Variants in COL21A1 observed in about 807,000 individuals in gnomAD.
COL21A1 encodes the protein collagen alpha-1(XXI) chain.
COL21A1 carries 149 observed loss-of-function variants against 137.9 expected under a neutral mutation model. The ratio of observed to expected loss-of-function variants is 1.08; its 90% confidence interval spans 0.95 to 1.24. The LOEUF is 1.24. Ranked by LOEUF, COL21A1 falls within the 50% of genes most tolerant of loss-of-function variation. The pLI is 0.00. For synonymous variants in COL21A1, 456 were observed against 391.5 expected (o/e 1.16, Z -1.95); for missense variants, 1,167 against 1,158.4 (o/e 1.01, Z -0.11).
chr6:56,148,601 T>C, intron 10 of COL21A1, among the ~76,000 whole-genome samples: 1 of 152,108 alleles, frequency 6.6e-6, no homozygotes. Flanking sequence ...TCCCAACAGC[T>C]CTTAAACTGT....
At chr6:56,317,923 A>ATTG (rs1400559552) in intron 1 of COL21A1, among the ~76,000 whole-genome samples, 1 of 152,132 alleles carries the variant, frequency 6.6e-6, no homozygotes, top group Non-Finnish European at 1.5e-5. Context: ...CGTGTTTTTA[A>ATTG]TTGTAGTTTT....
At chr6:56,155,031 T>C (rs1775635919) in intron 10 of COL21A1, among the ~76,000 whole-genome samples, 1 of 152,184 alleles carries the variant, frequency 6.6e-6, no homozygotes, top group Admixed American at 6.5e-5. Flanking sequence ...TTAAGCCTAG[T>C]ACCCATTAGT....
chr6:56,242,436 T>A (rs116387185), intron 1 of COL21A1, among the ~76,000 whole-genome samples: 107 of 152,268 alleles, frequency 7.0e-4, no homozygotes, highest in African/African-American at 2.4e-3. Context: ...TCCTTAGTCT[T>A]TTCTTCTCGA....
At position 56,064,563 on chromosome 6, in the gene COL21A1, A is replaced by G. The variant is rs1184652625; in HGVS notation, c.2172+15T>C. The G allele has an allele frequency of 6.3e-7, 1 of 1,581,908 alleles. No homozygotes were observed. The highest frequency in any genetic ancestry group is 8.6e-7 in the Non-Finnish European group (1 of 1,159,324). ...TTGTTATTTCATTTTTTATCAGAAG[A>G]AAACCAAAAAATACCTGTTGCCCTG... On this transcript the variant is annotated intron_variant, in intron 24 of 29. Coordinates refer to ENST00000244728, the MANE Select transcript of COL21A1 (RefSeq NM_030820.4).
chr6:56,262,137 A>G (rs1185332550), intron 1 of COL21A1, among the ~76,000 whole-genome samples: 1 of 152,126 alleles, frequency 6.6e-6, no homozygotes, highest in African/African-American at 2.4e-5. Flanking sequence ...GCTTTCAAAT[A>G]TGTTTCCTTT....
intron 1 of COL21A1, among the ~76,000 whole-genome samples, chr6:56,357,628 T>C (rs988156698): frequency 6.6e-6 from 1 of 152,244 alleles, no homozygotes; most frequent in Non-Finnish European, 1.5e-5. Context: ...GATCTGTTGA[T>C]GTTATTTTTG....
Position 56,179,613 on chromosome 6 carries a change from T to G in COL21A1, c.605A>C (p.Lys202Thr). ...FYVEDYIAIS[K>T]IREVMKQKLC... ...TTTCTGCTTCATCACTTCCCTTATT[T>G]TGGATATTGCAATATAGTCTTCCAC... The change falls in exon 3 of 30, where the codon AAA (lysine) becomes ACA (threonine). Residue 202 changes from lysine (K) to threonine (T), a missense_variant. Coordinates refer to ENST00000244728, the MANE Select transcript of COL21A1 (RefSeq NM_030820.4). 6.2e-7 allele frequency: 1 copy of G among 1,612,990 alleles called. No homozygotes were observed. Among genetic ancestry groups the G allele is most frequent in the Non-Finnish European group, 8.5e-7 (1 of 1,179,168 alleles).
At chr6:56,250,555 T>C (rs140837025), upstream of COL21A1, among the ~76,000 whole-genome samples, 1 of 152,298 alleles carries the variant, frequency 6.6e-6, no homozygotes, top group Non-Finnish European at 1.5e-5. Context: ...CAACAACCAG[T>C]GAGCCTAGAA....
At chr6:56,200,931 G>A (rs1321701173) in intron 1 of COL21A1, among the ~76,000 whole-genome samples, 1 of 152,120 alleles carries the variant, frequency 6.6e-6, no homozygotes, top group Non-Finnish European at 1.5e-5. Context: ...CAGTGTAAAA[G>A]TGTTCCTATT....
intron 1 of COL21A1, among the ~76,000 whole-genome samples, chr6:56,320,553 C>A (rs1266500136): frequency 2.6e-5 from 4 of 151,342 alleles, no homozygotes; most frequent in African/African-American, 9.7e-5. Context: ...ACACACCCCT[C>A]CCACTCTCCT....
chr6:56,184,172 G>T (rs1038539806), intron 1 of COL21A1, among the ~76,000 whole-genome samples: 1 of 152,082 alleles, frequency 6.6e-6, no homozygotes, highest in African/African-American at 2.4e-5. Context: ...ACAATTCTCG[G>T]ATCAAAGAAC....
intron 1 of COL21A1, among the ~76,000 whole-genome samples, chr6:56,202,187 G>T (rs1329155807): frequency 6.6e-6 from 1 of 152,086 alleles, no homozygotes; most frequent in African/African-American, 2.4e-5. Flanking sequence ...AATGTAGTGT[G>T]AAAAGGTAAC....
At chr6:56,318,243 C>T (rs1444410348) in intron 1 of COL21A1, among the ~76,000 whole-genome samples, 1 of 152,104 alleles carries the variant, frequency 6.6e-6, no homozygotes, top group Non-Finnish European at 1.5e-5. Flanking sequence ...CTTAGTATGA[C>T]TCCCACTCTG....
intron 1 of COL21A1, among the ~76,000 whole-genome samples, chr6:56,332,408 G>A (rs1307118872): frequency 6.6e-6 from 1 of 151,608 alleles, no homozygotes; most frequent in Non-Finnish European, 1.5e-5. Flanking sequence ...ATAGCCAGAA[G>A]AATATTCAGA....
At position 56,383,647 on chromosome 6, in the gene COL21A1, T is replaced by A. The variant is rs141817478; in HGVS notation, c.-39+10324A>T. The stretch of plus-strand genomic sequence containing the variant: ...TTATTCTGGAGATGGGCAGAGGAAG[T>A]GGGCAGAAGCACCACCCAGAGGGCT... On this transcript the variant is annotated intron_variant, in intron 1 of 28. Coordinates refer to the COL21A1 transcript ENST00000370819. 2.6e-4 allele frequency among the ~76,000 whole-genome samples: 39 copies of A among 152,260 alleles called. No individual in the cohort carries two copies. The East Asian group carries it at 6.4e-3, about 25-fold the overall frequency.
chr6:56,228,426 GC>G (rs1341097586), intron 1 of COL21A1, among the ~76,000 whole-genome samples: 1 of 151,684 alleles, frequency 6.6e-6, no homozygotes, highest in Non-Finnish European at 1.5e-5. Context: ...CCAGCCTCTG[GC>G]TTGAACGTCT....
chr6:56,340,096 T>A (rs1209814803), intron 1 of COL21A1, among the ~76,000 whole-genome samples: 1 of 152,154 alleles, frequency 6.6e-6, no homozygotes, highest in African/African-American at 2.4e-5. Context: ...GCCAAACACA[T>A]CTTAATTAAA....
chr6:56,196,230 A>C (rs556142894), intron 1 of COL21A1, among the ~76,000 whole-genome samples: 1 of 152,278 alleles, frequency 6.6e-6, no homozygotes, highest in Non-Finnish European at 1.5e-5. Flanking sequence ...TCAAGATAAT[A>C]AAAGCCATAT....
At position 56,059,196 on chromosome 6, in the gene COL21A1, A is replaced by C. The variant is rs374601589; in HGVS notation, c.2655T>G (p.Tyr885Ter). The C allele has an allele frequency of 5.6e-6, 9 of 1,611,722 alleles. No individual in the cohort carries two copies. The African/African-American group carries it at 8.0e-5, about 14-fold the overall frequency. ...GACCAGGAGGACCTTGTTCTCCAGG[A>C]TACCCAAACCCTTGGCTCCCTTTTT... ...NGEKGSQGFG[Y>*]PGEQGPPGPP... is the part of the protein sequence containing the mutation. Residue 885 changes from tyrosine (Y) to a stop codon, truncating the protein, a stop_gained, in exon 29 of 30, where the codon TAT becomes TAG. Transcript: ENST00000244728. LOFTEE classifies it high-confidence loss of function.
Sources: allele counts gnomAD v4.1 joint callset (sites outside exome capture counted in the v4.1 genomes callset), GRCh38; gene constraint gnomAD v4.1.1; transcripts MANE v1.5; gene names NCBI Gene and HGNC (gene_info 2026-07-23, HGNC 2026-07-21).